Variants in KDM4C observed in about 807,000 individuals in gnomAD.
KDM4C encodes the protein lysine demethylase 4C, also known as lysine-specific demethylase 4C.
KDM4C carries 81 observed loss-of-function variants against 129.3 expected under a neutral mutation model. The ratio of observed to expected loss-of-function variants is 0.63; its 90% CI spans 0.52 to 0.75. KDM4C has a LOEUF of 0.75. Among genes scored for constraint, KDM4C ranks in the 30% least tolerant of loss-of-function variants. The pLI is 0.00. For synonymous variants in KDM4C, 573 were observed against 456.1 expected, an observed-to-expected ratio of 1.26 and a Z score of -3.26; for missense variants, 1,457 against 1,304.0, an observed-to-expected ratio of 1.12 and a Z score of -1.81.
intron 15 of KDM4C, among the ~76,000 whole-genome samples, chr9:7,016,457 C>T (rs1260727227): frequency 3.8e-5 from 5 of 133,126 alleles, no homozygotes; most frequent in Admixed American, 8.2e-5. Context: ...GATGGAGTCT[C>T]ACTCCATTGC....
At chr9:6,874,744 A>G (rs189867145) in intron 5 of KDM4C, among the ~76,000 whole-genome samples, 404 of 152,246 alleles carry the variant, frequency 2.7e-3, no homozygotes, top group Middle Eastern at 6.8e-3. Flanking sequence ...GGTAAGACCC[A>G]GGAGGAATGA....
At chr9:7,139,494 A>C (rs1007046404) in intron 19 of KDM4C, among the ~76,000 whole-genome samples, 3 of 152,150 alleles carry the variant, frequency 2.0e-5, no homozygotes, top group African/African-American at 7.2e-5. Context: ...ACTATAAGAG[A>C]ACTATGGAAA....
intron 12 of KDM4C, among the ~76,000 whole-genome samples, chr9:7,001,387 A>G (rs1479019683): frequency 6.6e-6 from 1 of 152,238 alleles, no homozygotes; most frequent in African/African-American, 2.4e-5. Flanking sequence ...TAAACTTGAT[A>G]ATGCCTTCAA....
intron 1 of KDM4C, among the ~76,000 whole-genome samples, chr9:6,739,814 A>AC (rs938441994): frequency 6.6e-6 from 1 of 151,952 alleles, no homozygotes; most frequent in African/African-American, 2.4e-5. Context: ...ACATAGCATG[A>AC]CCCCCATCTC....
chr9:7,066,482 A>G (rs192553755), intron 17 of KDM4C, among the ~76,000 whole-genome samples: 2 of 152,382 alleles, frequency 1.3e-5, no homozygotes, highest in Non-Finnish European at 2.9e-5. Flanking sequence ...TTTACATAGT[A>G]TAGATCATTT....
intron 8 of KDM4C, among the ~76,000 whole-genome samples, chr9:6,964,293 A>G (rs1037088240): frequency 2.7e-5 from 4 of 149,612 alleles, no homozygotes; most frequent in African/African-American, 7.4e-5. Flanking sequence ...CCTGTGTCCA[A>G]GCGTTCTCAT....
intron 19 of KDM4C, among the ~76,000 whole-genome samples, chr9:7,146,484 C>G (rs1258763330): frequency 1.3e-5 from 2 of 152,204 alleles, no homozygotes; most frequent in East Asian, 3.9e-4. Context: ...TTGAAGCTCT[C>G]TGGAATATAG....
intron 4 of KDM4C, among the ~76,000 whole-genome samples, chr9:6,847,534 A>G (rs1389936501): frequency 1.3e-5 from 2 of 151,758 alleles, no homozygotes; most frequent in Admixed American, 6.6e-5. Context: ...GGGACTACAG[A>G]CGCCCGCCAC....
intron 1 of KDM4C, among the ~76,000 whole-genome samples, chr9:6,791,775 C>T (rs1371580073): frequency 6.6e-6 from 1 of 152,162 alleles, no homozygotes; most frequent in Non-Finnish European, 1.5e-5. Flanking sequence ...GTAATCCCAG[C>T]ACTTTGGGAG....
rs1828440654 is a variant in KDM4C, at chr9:6,952,949, T to A, written c.922-27976T>A. Among the ~76,000 whole-genome samples the A allele has an allele frequency of 1.3e-5, 2 of 152,250 alleles. 1 individual carries two copies. The highest frequency in any genetic ancestry group is 1.3e-4 in the Admixed American group (2 of 15,284). ...GGAGATCTAATATTTTTAAAGATTTTACTTCTTTAAATGACTGGTACTTGC... is the reference window on the plus strand; with the variant it reads ...GGAGATCTAATATTTTTAAAGATTTAACTTCTTTAAATGACTGGTACTTGC... On this transcript the variant is annotated intron_variant, in intron 8 of 21. Coordinates refer to ENST00000381309, the MANE Select transcript of KDM4C (RefSeq NM_015061.6).
chr9:7,057,174 C>T (rs1470897931), intron 17 of KDM4C, among the ~76,000 whole-genome samples: 1 of 151,928 alleles, frequency 6.6e-6, no homozygotes, highest in Non-Finnish European at 1.5e-5. Context: ...TTTAAAAATC[C>T]ACAAAGAAAG....
upstream of KDM4C, among the ~76,000 whole-genome samples, chr9:6,755,533 G>C (rs140004282): frequency 4.5e-3 from 683 of 152,288 alleles, 10 homozygotes; most frequent in African/African-American, 0.016. Context: ...GGGCAACAGA[G>C]TAAGACTCTG....
upstream of KDM4C, chr9:6,757,686 C>T: frequency 1.0e-6 from 1 of 985,508 alleles, no homozygotes; most frequent in South Asian, 4.7e-5. Context: ...GGCGCGTGGA[C>T]TACATCAGGT....
intron 17 of KDM4C, among the ~76,000 whole-genome samples, chr9:7,096,662 G>C (rs1836475185): frequency 1.3e-5 from 2 of 152,146 alleles, no homozygotes; most frequent in South Asian, 4.2e-4. Context: ...ACTGTGACAG[G>C]TGCCTTTAAT....
chr9:7,031,358 A>G (rs565828747), intron 15 of KDM4C, among the ~76,000 whole-genome samples: 9 of 151,868 alleles, frequency 5.9e-5, no homozygotes, highest in African/African-American at 2.2e-4. Flanking sequence ...ACAGGGTTTC[A>G]CCGTGTTGGC....
chr9:6,721,199 C>T, intron 1 of KDM4C: 2 of 419,682 alleles, frequency 4.8e-6, no homozygotes, highest in Non-Finnish European at 8.5e-6. Context: ...CCAGTCTTCC[C>T]AGTAGCTGGG....
rs560530849 is a variant in KDM4C, at chr9:6,930,638, T to C, written c.921+37406T>C. On this transcript the variant is annotated intron_variant, in intron 8 of 21. Transcript: ENST00000381309. The stretch of plus-strand genomic sequence containing the variant: ...TTATAATATATAACATATTCATATG[T>C]AATATGAATACATACTACATATAAT... 8.8e-5 allele frequency among the ~76,000 whole-genome samples: 13 copies of C among 148,368 alleles called. No homozygotes were observed. In the Admixed American group the frequency reaches 8.8e-4, roughly 10 times the overall value.
At chr9:6,824,864 C>T (rs1208503709) in intron 4 of KDM4C, among the ~76,000 whole-genome samples, 1 of 151,872 alleles carries the variant, frequency 6.6e-6, no homozygotes, top group Non-Finnish European at 1.5e-5. Flanking sequence ...AAGATTGTGG[C>T]CAGGTACGGT....
intron 12 of KDM4C, among the ~76,000 whole-genome samples, chr9:7,005,715 A>T (rs543893834): frequency 3.0e-4 from 45 of 152,312 alleles, no homozygotes; most frequent in African/African-American, 9.4e-4. Flanking sequence ...CTGAAGTACT[A>T]GGTTGCGCAT....
Sources: gnomAD v4.1 joint callset for allele counts (sites outside exome capture counted in the v4.1 genomes callset) on GRCh38, gnomAD v4.1.1 for gene constraint, MANE v1.5 for transcripts, NCBI Gene and HGNC (gene_info 2026-07-23, HGNC 2026-07-21) for gene names.